CSMD2: variants seen among roughly 807,000 people sequenced by gnomAD.
CSMD2 encodes the protein CUB and sushi domain-containing protein 2.
CSMD2 carries 130 observed loss-of-function variants against 398.5 expected under a neutral mutation model. The ratio of observed to expected loss-of-function variants is 0.33; its 90% confidence interval spans 0.28 to 0.38. CSMD2 has a LOEUF of 0.38. Ranked by LOEUF, CSMD2 falls within the 10% of genes least tolerant of loss-of-function variation. The pLI is 1.00. For synonymous variants in CSMD2, 1,828 were observed against 1,908.5 expected (o/e 0.96, Z 1.10); for missense variants, 3,829 against 4,764.9 (o/e 0.80, Z 5.78).
In CSMD2 at chr1:33,759,078, T is replaced by A. The variant is rs189380121; in HGVS notation, c.1846+13491A>T. 2.9e-3 allele frequency among the ~76,000 whole-genome samples: 439 copies of A among 152,262 alleles called. 2 individuals carry two copies. Among genetic ancestry groups the A allele is most frequent in the African/African-American group, 9.7e-3 (403 of 41,542 alleles). On this transcript the variant is annotated intron_variant, in intron 13 of 70. Transcript: ENST00000373381. ...ACTAATACACTTATAAAAAAGGGTA[T>A]GAAGGAAATAAAAAGTGACATCGCT...
At chr1:34,080,319 T>C (rs888806439) in intron 2 of CSMD2, among the ~76,000 whole-genome samples, 3 of 151,986 alleles carry the variant, frequency 2.0e-5, no homozygotes, top group Non-Finnish European at 4.4e-5. Context: ...ATAGTAAGAA[T>C]GTGAGAGCAA....
intron 5 of CSMD2, chr1:33,864,621 CAA>C (rs1439481894): frequency 2.5e-6 from 4 of 1,613,980 alleles, no homozygotes; most frequent in African/African-American, 2.7e-5. Context: ...CCCTTATGAG[CAA>C]AGAGTGGCTC....
At chr1:34,113,243 C>T (rs1290943129) in intron 1 of CSMD2, among the ~76,000 whole-genome samples, 1 of 152,176 alleles carries the variant, frequency 6.6e-6, no homozygotes, top group African/African-American at 2.4e-5. Context: ...TTTATCTCCC[C>T]ATGCCCTCCA....
At chr1:33,831,981 A>G (rs569609959) in intron 6 of CSMD2, among the ~76,000 whole-genome samples, 1 of 152,236 alleles carries the variant, frequency 6.6e-6, no homozygotes, top group Non-Finnish European at 1.5e-5. Flanking sequence ...ATATATATGC[A>G]CCCAATACAG....
chr1:33,553,955 C>T (rs1657710167), intron 55 of CSMD2, among the ~76,000 whole-genome samples: 1 of 151,992 alleles, frequency 6.6e-6, no homozygotes, highest in Non-Finnish European at 1.5e-5. Context: ...TGACCCTCTT[C>T]AATTCTATGA....
intron 25 of CSMD2, among the ~76,000 whole-genome samples, chr1:33,683,924 T>G (rs1199508635): frequency 6.6e-6 from 1 of 152,232 alleles, no homozygotes; most frequent in Non-Finnish European, 1.5e-5. Flanking sequence ...AGGTTTAACT[T>G]GCTATAATTG....
intron 14 of CSMD2, 97 bp from the exon 15 acceptor site, chr1:33,739,431 C>A (rs1646987143): frequency 8.8e-7 from 1 of 1,131,612 alleles, no homozygotes; most frequent in Non-Finnish European, 1.3e-6. Context: ...AACCCTAGAA[C>A]TCCACCACCT....
At chr1:33,796,989 AC>A (rs1026436965) in intron 10 of CSMD2, among the ~76,000 whole-genome samples, 1 of 152,064 alleles carries the variant, frequency 6.6e-6, no homozygotes, top group Non-Finnish European at 1.5e-5. Flanking sequence ...AAAAAAACCC[AC>A]CCTGGTAAAT....
chr1:34,057,413 T>C (rs1653958998), intron 2 of CSMD2, among the ~76,000 whole-genome samples: 1 of 152,148 alleles, frequency 6.6e-6, no homozygotes, highest in East Asian at 1.9e-4. Flanking sequence ...TCTATGCTGT[T>C]TCCTGCAGCT....
intron 24 of CSMD2, among the ~76,000 whole-genome samples, chr1:33,693,450 G>T (rs150558300): frequency 5.9e-5 from 9 of 152,270 alleles, no homozygotes; most frequent in African/African-American, 1.9e-4. Flanking sequence ...CTATACAAGC[G>T]TAGGTGGGGA....
At chr1:33,622,365 A>G in intron 36 of CSMD2, 94 bp from the exon 37 acceptor site, 1 of 883,176 alleles carries the variant, frequency 1.1e-6, no homozygotes, top group Non-Finnish European at 1.9e-6. Context: ...ACCTGCTGAC[A>G]TTCTGCTCCC....
chr1:33,567,461 A>G (rs997328265), intron 53 of CSMD2, 132 bp downstream of exon 53: 5 of 248,542 alleles, frequency 2.0e-5, no homozygotes, highest in African/African-American at 7.5e-5. Flanking sequence ...TTCAGTTTTG[A>G]AAAAAAAAAT....
chr1:33,659,695 T>G (rs1484136216), intron 26 of CSMD2, among the ~76,000 whole-genome samples: 1 of 152,212 alleles, frequency 6.6e-6, no homozygotes, highest in African/African-American at 2.4e-5. Flanking sequence ...CGGAAAAGTT[T>G]GAGAAGCGGC....
intron 44 of CSMD2, among the ~76,000 whole-genome samples, chr1:33,593,464 T>G (rs1016362035): frequency 1.3e-5 from 2 of 152,202 alleles, no homozygotes; most frequent in Non-Finnish European, 2.9e-5. Flanking sequence ...ATGGTGGAAG[T>G]TGAAAGGCAT....
intron 47 of CSMD2, among the ~76,000 whole-genome samples, chr1:33,581,354 TAAAA>T (rs35599517): frequency 8.3e-5 from 7 of 84,222 alleles, no homozygotes; most frequent in African/African-American, 3.1e-4. Flanking sequence ...CCATCTTTAC[TAAAA>T]AAAAAAAAAA....
chr1:33,676,553 C>T (rs1306435725), intron 25 of CSMD2, among the ~76,000 whole-genome samples: 2 of 152,154 alleles, frequency 1.3e-5, no homozygotes, highest in Non-Finnish European at 2.9e-5. Flanking sequence ...TTTATAGATT[C>T]AATGCCATCC....
chr1:33,864,511 A>G lies in CSMD2; in HGVS notation c.921-17515T>C, dbSNP rs775449938. On this transcript the variant is annotated intron_variant, in intron 5 of 70. Coordinates refer to ENST00000373381, the MANE Select transcript of CSMD2 (RefSeq NM_001281956.2). ...TCCTTCCTACTCTTCTGCCAAGACC[A>G]CTATGCTCAGCTGAAGAGGGAGAAC... 5 of 1,613,914 alleles carry G rather than the reference A, an allele frequency of 3.1e-6. No homozygotes were observed. The African/African-American group carries it at 4.0e-5, about 13-fold the overall frequency.
intron 1 of CSMD2, among the ~76,000 whole-genome samples, chr1:34,116,940 C>T (rs112487775): frequency 0.013 from 1,925 of 151,720 alleles, 50 homozygotes; most frequent in African/African-American, 0.043. Flanking sequence ...TATCTTGAGA[C>T]GAATGAAAAT....
intron 6 of CSMD2, among the ~76,000 whole-genome samples, chr1:33,831,446 C>G (rs1198042574): frequency 6.6e-6 from 1 of 152,142 alleles, no homozygotes; most frequent in South Asian, 2.1e-4. Flanking sequence ...AAATCCCTTA[C>G]AAACAAGCAA....
Sources: gnomAD v4.1 joint callset for allele counts (sites outside exome capture counted in the v4.1 genomes callset) on GRCh38, gnomAD v4.1.1 for gene constraint, MANE v1.5 for transcripts, NCBI Gene and HGNC (gene_info 2026-07-23, HGNC 2026-07-21) for gene names.